The following ANO10 variants were observed in gnomAD, a reference collection of about 807,000 sequenced individuals.
The protein encoded by ANO10 is anoctamin-10.
In ANO10, 77 loss-of-function variants were observed where a neutral mutation model predicts 74.7. The ratio of observed to expected loss-of-function variants is 1.03; its 90% CI spans 0.86 to 1.25. ANO10 has a LOEUF of 1.25. Among genes scored for constraint, ANO10 ranks in the 50% most tolerant of loss-of-function variants. The pLI, the probability that ANO10 is intolerant of heterozygous loss-of-function variation, is 0.00. For synonymous variants in ANO10, 279 were observed against 284.9 expected (o/e 0.98, Z 0.21); for missense variants, 721 against 778.1 (o/e 0.93, Z 0.87).
At chr3:43,577,385 G>A (rs370479166) in intron 5 of ANO10, 124 bp from the exon 6 acceptor site, 24 of 951,536 alleles carry the variant, frequency 2.5e-5, no homozygotes, top group African/African-American at 8.1e-5. Context: ...CCCAAACAGC[G>A]TGTGGTGGTA....
At chr3:43,532,477 C>A (rs867483247) in intron 11 of ANO10, among the ~76,000 whole-genome samples, 1 of 152,184 alleles carries the variant, frequency 6.6e-6, no homozygotes, top group Admixed American at 6.5e-5. Context: ...TACAACTGTT[C>A]ATCCAGTATA....
chr3:43,639,591 C>T (rs1051735373), intron 1 of ANO10, among the ~76,000 whole-genome samples: 1 of 151,990 alleles, frequency 6.6e-6, no homozygotes, highest in Non-Finnish European at 1.5e-5. Context: ...AGTGAAACTC[C>T]GTCTCTACTA....
intron 12 of ANO10, among the ~76,000 whole-genome samples, chr3:43,373,862 A>G (rs974239077): frequency 2.0e-5 from 3 of 152,174 alleles, no homozygotes; most frequent in Admixed American, 2.0e-4. Flanking sequence ...CAAAATGACC[A>G]AGCAAAACTG....
intron 1 of ANO10, among the ~76,000 whole-genome samples, chr3:43,618,789 T>A (rs2083244746): frequency 6.6e-6 from 1 of 152,160 alleles, no homozygotes; most frequent in Non-Finnish European, 1.5e-5. Context: ...AAAAGGCACC[T>A]TATTAGTTAT....
At chr3:43,514,855 CAT>C (rs2077646681) in intron 11 of ANO10, among the ~76,000 whole-genome samples, 2 of 152,288 alleles carry the variant, frequency 1.3e-5, no homozygotes, top group East Asian at 3.9e-4. Context: ...TGGAAACTAA[CAT>C]ACTTCTAAAT....
chr3:43,374,499 G>C (rs1263996377), intron 12 of ANO10, among the ~76,000 whole-genome samples: 1 of 152,184 alleles, frequency 6.6e-6, no homozygotes, highest in Non-Finnish European at 1.5e-5. Flanking sequence ...TCCAGAGCTG[G>C]CTCCTAACCT....
At chr3:43,469,237 G>A (rs1283513041) in intron 11 of ANO10, among the ~76,000 whole-genome samples, 1 of 142,382 alleles carries the variant, frequency 7.0e-6, no homozygotes, top group Non-Finnish European at 1.5e-5. Flanking sequence ...TAGTAGACAT[G>A]GGGTTTCACC....
chr3:43,398,293 T>G (rs2092418363), intron 12 of ANO10, among the ~76,000 whole-genome samples: 1 of 152,264 alleles, frequency 6.6e-6, no homozygotes, highest in Non-Finnish European at 1.5e-5. Context: ...TTGTGGGATT[T>G]TGTACATGAC....
intron 10 of ANO10, 62 bp downstream of exon 10, chr3:43,555,216 C>G: frequency 1.3e-6 from 2 of 1,540,842 alleles, no homozygotes; most frequent in Non-Finnish European, 1.8e-6. Flanking sequence ...AATTTTTTTT[C>G]CCTGTCATAA....
chr3:43,577,340 T>C (rs2081061124), intron 5 of ANO10, 79 bp from the exon 6 acceptor site: 6 of 1,406,626 alleles, frequency 4.3e-6, no homozygotes, highest in Non-Finnish European at 4.9e-6. Flanking sequence ...GCTTATTCAT[T>C]TTTTAGTTAA....
At chr3:43,425,421 T>G (rs2092884907) in intron 12 of ANO10, among the ~76,000 whole-genome samples, 1 of 152,010 alleles carries the variant, frequency 6.6e-6, no homozygotes, top group Admixed American at 6.6e-5. Context: ...TAAATTAGGT[T>G]AATATTTAAC....
intron 12 of ANO10, among the ~76,000 whole-genome samples, chr3:43,384,327 C>T (rs2092055726): frequency 6.6e-6 from 1 of 152,118 alleles, no homozygotes; most frequent in African/African-American, 2.4e-5. Context: ...TGGGTAGAAT[C>T]AATATTGTGA....
At chr3:43,531,457 T>C (rs2078463982) in intron 11 of ANO10, among the ~76,000 whole-genome samples, 1 of 152,222 alleles carries the variant, frequency 6.6e-6, no homozygotes, top group Non-Finnish European at 1.5e-5. Context: ...GGAAGAGTCT[T>C]TTCTTGCATC....
At chr3:43,538,913 G>C (rs1224705447) in intron 11 of ANO10, among the ~76,000 whole-genome samples, 1 of 152,206 alleles carries the variant, frequency 6.6e-6, no homozygotes, top group African/African-American at 2.4e-5. Context: ...TTCATTTTTA[G>C]AGATCACTGG....
chr3:43,427,645 C>T (rs1055127323), intron 12 of ANO10, among the ~76,000 whole-genome samples: 2 of 152,220 alleles, frequency 1.3e-5, no homozygotes, highest in African/African-American at 4.8e-5. Context: ...GTCCCACAAA[C>T]TGACCAGGTT....
At chr3:43,581,465 T>G (rs2081258078) in intron 4 of ANO10, among the ~76,000 whole-genome samples, 1 of 152,222 alleles carries the variant, frequency 6.6e-6, no homozygotes, top group Non-Finnish European at 1.5e-5. Flanking sequence ...TTACTTAGAA[T>G]GACTCAGTGG....
chr3:43,624,378 G>T (rs1227496723), upstream of ANO10, among the ~76,000 whole-genome samples: 1 of 152,072 alleles, frequency 6.6e-6, no homozygotes, highest in Non-Finnish European at 1.5e-5. Context: ...TTGGGGGTGG[G>T]GCCTGGTGCA....
chr3:43,569,897 G>A (rs1211827328), intron 7 of ANO10, among the ~76,000 whole-genome samples: 5 of 112,454 alleles, frequency 4.4e-5, no homozygotes, highest in African/African-American at 1.4e-4. Context: ...AAGTCAAATT[G>A]TCCCTGTTTG....
At chr3:43,411,991 T>TA (rs200578119) in intron 12 of ANO10, among the ~76,000 whole-genome samples, 4,996 of 148,488 alleles carry the variant, frequency 0.034, 158 homozygotes, top group Non-Finnish European at 0.05. Flanking sequence ...AAGGAGAAGT[T>TA]AAAAAAAACA....
Sources: allele counts gnomAD v4.1 joint callset (sites outside exome capture counted in the v4.1 genomes callset), GRCh38; gene constraint gnomAD v4.1.1; transcripts MANE v1.5; gene names NCBI Gene and HGNC (gene_info 2026-07-23, HGNC 2026-07-21).